The following CDH13 variants were observed in gnomAD, a reference collection of about 807,000 sequenced individuals.
CDH13 encodes cadherin 13, also known as cadherin-13.
A neutral mutation model predicts 63.8 loss-of-function variants in CDH13; 24 were observed. The ratio of observed to expected loss-of-function variants is 0.38; its 90% CI spans 0.27 to 0.53. The LOEUF (loss-of-function observed/expected upper bound fraction) is 0.53. Ranked by LOEUF, CDH13 falls within the 20% of genes least tolerant of loss-of-function variation. CDH13 has a pLI of 0.85. For missense variants in CDH13, 1,049 were observed against 903.1 expected, an observed-to-expected ratio of 1.16 and a Z score of -2.07; for synonymous variants, 503 against 355.3, an observed-to-expected ratio of 1.42 and a Z score of -4.67.
chr16:82,945,052 C>T (rs1445909466), intron 2 of CDH13, among the ~76,000 whole-genome samples: 2 of 151,984 alleles, frequency 1.3e-5, no homozygotes, highest in African/African-American at 4.8e-5. Context: ...AGAGCCAAAA[C>T]AAAAATAGAA....
chr16:83,471,255 C>G (rs1443504551), intron 6 of CDH13, among the ~76,000 whole-genome samples: 2 of 146,938 alleles, frequency 1.4e-5, no homozygotes, highest in Non-Finnish European at 3.0e-5. Flanking sequence ...ATGTTTGGGA[C>G]CATTATTTTT....
chr16:83,116,262 A>C (rs1314755486), intron 3 of CDH13, among the ~76,000 whole-genome samples: 2 of 152,142 alleles, frequency 1.3e-5, no homozygotes, highest in Non-Finnish European at 2.9e-5. Context: ...GAAATAGACC[A>C]CGCAACCGGG....
chr16:83,761,062 C>T (rs1413746482), intron 11 of CDH13, among the ~76,000 whole-genome samples: 1 of 152,200 alleles, frequency 6.6e-6, no homozygotes, highest in African/African-American at 2.4e-5. Flanking sequence ...TCAACATACT[C>T]AGTTTATAAC....
At chr16:83,214,267 C>T (rs1260895543) in intron 4 of CDH13, among the ~76,000 whole-genome samples, 1 of 151,928 alleles carries the variant, frequency 6.6e-6, no homozygotes, top group East Asian at 1.9e-4. Flanking sequence ...TCTGGGAGGC[C>T]TGTGAATTTT....
intron 6 of CDH13, among the ~76,000 whole-genome samples, chr16:83,365,726 G>A (rs1025382783): frequency 6.6e-6 from 1 of 152,224 alleles, no homozygotes; most frequent in African/African-American, 2.4e-5. Flanking sequence ...GAGAGATGCA[G>A]CAGCAGAGAA....
At chr16:83,488,334 G>A (rs896499946) in intron 7 of CDH13, among the ~76,000 whole-genome samples, 18 of 152,124 alleles carry the variant, frequency 1.2e-4, no homozygotes, top group African/African-American at 4.3e-4. Flanking sequence ...TAGCATGGTT[G>A]AAGTACTTCT....
intron 10 of CDH13, among the ~76,000 whole-genome samples, chr16:83,686,166 G>A (rs955456904): frequency 3.3e-5 from 5 of 152,184 alleles, no homozygotes; most frequent in Non-Finnish European, 7.3e-5. Context: ...AGCTTCCTCC[G>A]TACCACTGCG....
intron 10 of CDH13, among the ~76,000 whole-genome samples, chr16:83,704,831 A>G (rs1906767750): frequency 6.6e-6 from 1 of 152,240 alleles, no homozygotes; most frequent in African/African-American, 2.4e-5. Flanking sequence ...ATTTCAGGAA[A>G]ATAGTTTCAG....
At chr16:83,059,361 T>C (rs2031283434) in intron 3 of CDH13, among the ~76,000 whole-genome samples, 1 of 152,108 alleles carries the variant, frequency 6.6e-6, no homozygotes, top group Non-Finnish European at 1.5e-5. Context: ...AGTTCCTGTA[T>C]GTGTCAGAGA....
chr16:83,013,733 C>A (rs1380752869), intron 2 of CDH13, among the ~76,000 whole-genome samples: 4 of 152,180 alleles, frequency 2.6e-5, no homozygotes, highest in African/African-American at 9.7e-5. Flanking sequence ...TATAAAATAT[C>A]TGGTGAGTGG....
rs985570274 is a variant in CDH13, at chr16:83,798,184, T to C, written c.*3154T>C. On this transcript the variant is annotated 3_prime_UTR_variant, in exon 14 of 14. Coordinates refer to ENST00000567109, the MANE Select transcript of CDH13 (RefSeq NM_001257.5). Reference sequence around the variant, plus strand: ...GAACAACCATCTACCATCACACTCATAGAGTAGCTCAAATTGCATTTTACC... The same window carrying C: ...GAACAACCATCTACCATCACACTCACAGAGTAGCTCAAATTGCATTTTACC... The C allele has an allele frequency of 2.0e-5, 3 of 152,338 alleles. No homozygotes were observed. The highest frequency in any genetic ancestry group is 7.2e-5 in the African/African-American group (3 of 41,580). 9.4% of individuals were successfully genotyped at this position (152,338 alleles called of 1,614,324 possible).
chr16:82,675,677 G>T (rs954765290), intron 1 of CDH13, among the ~76,000 whole-genome samples: 134 of 152,254 alleles, frequency 8.8e-4, no homozygotes, highest in African/African-American at 3.1e-3. Context: ...CCTGCTTTTG[G>T]CAAGCAAAGC....
At chr16:82,713,031 A>C in intron 1 of CDH13, among the ~76,000 whole-genome samples, 1 of 138,796 alleles carries the variant, frequency 7.2e-6, no homozygotes, top group East Asian at 2.2e-4. Context: ...TATGGAGTGA[A>C]TAGAACCCCG....
intron 6 of CDH13, among the ~76,000 whole-genome samples, chr16:83,365,772 GT>G (rs1366345603): frequency 1.3e-5 from 2 of 152,156 alleles, no homozygotes; most frequent in Non-Finnish European, 2.9e-5. Flanking sequence ...AGTTCAGAGG[GT>G]TGCCAATTCT....
intron 7 of CDH13, among the ~76,000 whole-genome samples, chr16:83,515,140 G>A (rs1402610426): frequency 6.6e-6 from 1 of 152,102 alleles, no homozygotes; most frequent in African/African-American, 2.4e-5. Context: ...GTCATTCCAT[G>A]TTTCTGAGCT....
At chr16:83,743,741 C>CTTTTTTGTTTTT (rs1597161506) in intron 10 of CDH13, among the ~76,000 whole-genome samples, 1 of 34,506 alleles carries the variant, frequency 2.9e-5, no homozygotes, top group Non-Finnish European at 6.0e-5. Flanking sequence ...TGCCTTTTTT[C>CTTTTTTGTTTTT]TTTTTTCTTT....
At chr16:83,394,954 C>G (rs1405827397) in intron 6 of CDH13, among the ~76,000 whole-genome samples, 1 of 151,982 alleles carries the variant, frequency 6.6e-6, no homozygotes, top group Non-Finnish European at 1.5e-5. Flanking sequence ...TTGAAACCAG[C>G]CTGGCCAACA....
At chr16:83,329,755 T>C (rs2090442951) in intron 5 of CDH13, among the ~76,000 whole-genome samples, 1 of 152,220 alleles carries the variant, frequency 6.6e-6, no homozygotes, top group African/African-American at 2.4e-5. Context: ...AGAGAGCTCA[T>C]ATAAGTGGAA....
chr16:82,765,496 C>T (rs1016376294), intron 1 of CDH13, among the ~76,000 whole-genome samples: 3 of 152,096 alleles, frequency 2.0e-5, no homozygotes, highest in African/African-American at 2.4e-5. Context: ...CTGACAGCTC[C>T]CCACCAACCA....
Sources: gnomAD v4.1 joint callset for allele counts (sites outside exome capture counted in the v4.1 genomes callset) on GRCh38, gnomAD v4.1.1 for gene constraint, MANE v1.5 for transcripts, NCBI Gene and HGNC (gene_info 2026-07-23, HGNC 2026-07-21) for gene names.